Variants in SUGCT observed in about 807,000 individuals in gnomAD.
SUGCT encodes succinyl-CoA:glutarate CoA-transferase.
Under a neutral mutation model 55.0 loss-of-function variants are expected in SUGCT, and 41 were observed. That is an observed-to-expected ratio of 0.74 (90% CI 0.58 to 0.97). The LOEUF is 0.97. Ranked by LOEUF, SUGCT falls within the 50% of genes least tolerant of loss-of-function variation. The pLI is 0.00. For synonymous variants in SUGCT, 187 were observed against 200.4 expected, an observed-to-expected ratio of 0.93 and a Z score of 0.56; for missense variants, 568 against 547.8, an observed-to-expected ratio of 1.04 and a Z score of -0.37.
At chr7:40,847,032 G>A (rs1036236782) in intron 13 of SUGCT, among the ~76,000 whole-genome samples, 2 of 152,136 alleles carry the variant, frequency 1.3e-5, no homozygotes, top group African/African-American at 4.8e-5. Context: ...GCCAAAATTG[G>A]CTACACACAA....
At chr7:40,218,563 T>C (rs1787811814) in intron 6 of SUGCT, among the ~76,000 whole-genome samples, 1 of 152,066 alleles carries the variant, frequency 6.6e-6, no homozygotes, top group African/African-American at 2.4e-5. Context: ...TGTGTCTAGC[T>C]AAAGGTTTGT....
At chr7:41,006,024 TA>T in the SUGCT span, among the ~76,000 whole-genome samples, 1 of 152,200 alleles carries the variant, frequency 6.6e-6, no homozygotes, top group Non-Finnish European at 1.5e-5. Flanking sequence ...GATGTATTGA[TA>T]AATATCTGAA....
intron 13 of SUGCT, among the ~76,000 whole-genome samples, chr7:40,800,648 C>T (rs1790772037): frequency 6.6e-6 from 1 of 152,004 alleles, no homozygotes; most frequent in Non-Finnish European, 1.5e-5. Context: ...AAGAAGATTC[C>T]TGTTATTTTC....
chr7:40,645,193 C>T (rs544913708), intron 12 of SUGCT, among the ~76,000 whole-genome samples: 67 of 152,330 alleles, frequency 4.4e-4, no homozygotes, highest in Admixed American at 3.9e-4. Flanking sequence ...TAACTCCACA[C>T]CTTCCGTCCT....
rs1006784612 is a variant in SUGCT at position 40,803,114 on chromosome 7, T to G, written c.1153+53617T>G. On this transcript the variant is annotated intron_variant, in intron 13 of 13. Transcript: ENST00000335693. The stretch of plus-strand genomic sequence containing the variant: ...ACACCAATTTTTATCAACTATAATT[T>G]TATTTGGAAGACAAGGCTTTTCTAT... Among the ~76,000 whole-genome samples, 30 of 152,226 alleles carry G rather than the reference T, an allele frequency of 2.0e-4. 1 individual carries two copies. Among genetic ancestry groups the G allele is most frequent in the African/African-American group, 7.2e-4 (30 of 41,454 alleles).
At chr7:40,660,810 TC>T (rs1801266399) in intron 12 of SUGCT, among the ~76,000 whole-genome samples, 1 of 152,172 alleles carries the variant, frequency 6.6e-6, no homozygotes, top group South Asian at 2.1e-4. Flanking sequence ...CCAAGAACTC[TC>T]CCACTAATCT....
At chr7:40,381,682 G>T (rs1449899287) in intron 9 of SUGCT, among the ~76,000 whole-genome samples, 4 of 151,954 alleles carry the variant, frequency 2.6e-5, no homozygotes, top group African/African-American at 9.7e-5. Context: ...TAAGGAATAT[G>T]TTGGCAGTTC....
the SUGCT span, among the ~76,000 whole-genome samples, chr7:40,907,101 G>GTT: frequency 1.0e-4 from 9 of 87,846 alleles, no homozygotes; most frequent in South Asian, 1.0e-3. Context: ...CTGATAGTGT[G>GTT]TGTGTGTGTG....
At chr7:40,617,859 C>T (rs1799083687) in intron 12 of SUGCT, among the ~76,000 whole-genome samples, 1 of 152,080 alleles carries the variant, frequency 6.6e-6, no homozygotes, top group Non-Finnish European at 1.5e-5. Context: ...GATTGTTCAA[C>T]ATCATGTCTT....
At chr7:40,664,086 A>T (rs1801477970) in intron 12 of SUGCT, among the ~76,000 whole-genome samples, 1 of 152,188 alleles carries the variant, frequency 6.6e-6, no homozygotes, top group Non-Finnish European at 1.5e-5. Flanking sequence ...CCTGGAACAG[A>T]TTCTTCTCTT....
At chr7:40,452,925 G>C (rs1789268948) in intron 10 of SUGCT, among the ~76,000 whole-genome samples, 3 of 152,210 alleles carry the variant, frequency 2.0e-5, no homozygotes, top group African/African-American at 7.2e-5. Context: ...AAGAGATTTA[G>C]GGGAGAACAC....
intron 11 of SUGCT, among the ~76,000 whole-genome samples, chr7:40,469,177 CT>C (rs1790280355): frequency 1.3e-5 from 2 of 152,064 alleles, no homozygotes; most frequent in African/African-American, 4.8e-5. Context: ...CTTCTGCCAA[CT>C]TTTTTTTCTG....
chr7:40,482,452 G>A (rs527345944), intron 11 of SUGCT, among the ~76,000 whole-genome samples: 1 of 152,024 alleles, frequency 6.6e-6, no homozygotes, highest in African/African-American at 2.4e-5. Context: ...ATGTGGTAAG[G>A]TTATAGTTGA....
At chr7:40,898,381 C>A in the SUGCT span, among the ~76,000 whole-genome samples, 5 of 150,622 alleles carry the variant, frequency 3.3e-5, no homozygotes. Flanking sequence ...GAGCACGAAC[C>A]CACCAGAAGG....
At chr7:40,424,144 G>A in intron 9 of SUGCT, among the ~76,000 whole-genome samples, 1 of 152,100 alleles carries the variant, frequency 6.6e-6, no homozygotes, top group East Asian at 1.9e-4. Flanking sequence ...AAACAGTCGA[G>A]TCCAAGATAA....
chr7:40,188,157 G>C (rs1239144062), intron 3 of SUGCT, among the ~76,000 whole-genome samples: 1 of 151,864 alleles, frequency 6.6e-6, no homozygotes, highest in Non-Finnish European at 1.5e-5. Flanking sequence ...TAAATGGATG[G>C]GCGCGGTGGC....
intron 12 of SUGCT, among the ~76,000 whole-genome samples, chr7:40,670,835 A>G (rs943112230): frequency 5.3e-5 from 8 of 152,304 alleles, no homozygotes; most frequent in Middle Eastern, 3.4e-3. Flanking sequence ...GGAACATTTT[A>G]CCAATGTTAA....
chr7:40,451,117 C>A (rs1789167813), intron 10 of SUGCT, among the ~76,000 whole-genome samples: 1 of 152,056 alleles, frequency 6.6e-6, no homozygotes, highest in Non-Finnish European at 1.5e-5. Flanking sequence ...AAGCTGTTGC[C>A]TGTGAAGTCA....
intron 9 of SUGCT, among the ~76,000 whole-genome samples, chr7:40,349,273 G>A (rs983545056): frequency 2.0e-5 from 3 of 152,094 alleles, no homozygotes; most frequent in Admixed American, 1.3e-4. Context: ...GCTCATCAGG[G>A]GAACTATGTC....
Sources: allele counts gnomAD v4.1 joint callset (sites outside exome capture counted in the v4.1 genomes callset), GRCh38; gene constraint gnomAD v4.1.1; transcripts MANE v1.5; gene names NCBI Gene and HGNC (gene_info 2026-07-23, HGNC 2026-07-21).